The following NRG1 variants were observed in gnomAD, a reference collection of about 807,000 sequenced individuals.
NRG1 encodes the protein neuregulin 1.
NRG1 carries 18 observed loss-of-function variants against 63.8 expected under a neutral mutation model. The ratio of observed to expected loss-of-function variants is 0.28; its 90% CI spans 0.19 to 0.42. The LOEUF is 0.42. NRG1 is among the 10% of genes least tolerant of loss of function. NRG1 has a pLI of 1.00. For missense variants in NRG1, 762 were observed against 814.7 expected (o/e 0.94, Z 0.79); for synonymous variants, 302 against 301.3 (o/e 1.00, Z -0.02).
intron 1 of NRG1, among the ~76,000 whole-genome samples, chr8:32,462,771 C>G (rs1246199969): frequency 6.6e-6 from 1 of 151,520 alleles, no homozygotes; most frequent in Non-Finnish European, 1.5e-5. Flanking sequence ...GCCCGGCTAA[C>G]TTTTATATTT....
intron 1 of NRG1, among the ~76,000 whole-genome samples, chr8:31,878,120 C>T (rs1830066301): frequency 6.6e-6 from 1 of 152,182 alleles, no homozygotes; most frequent in Admixed American, 6.5e-5. Context: ...TACAAACCGT[C>T]AGTCTGCATG....
intron 5 of NRG1, among the ~76,000 whole-genome samples, chr8:32,634,120 G>GAAAAAAAAAAAAAAAAAAAAA (rs1563814503): frequency 1.0e-5 from 1 of 97,728 alleles, no homozygotes; most frequent in African/African-American, 5.5e-5. Flanking sequence ...AAAAAAAAAG[G>GAAAAAAAAAAAAAAAAAAAAA]TTGCATAAAG....
chr8:32,172,684 G>A (rs893558794), intron 1 of NRG1, among the ~76,000 whole-genome samples: 3 of 152,178 alleles, frequency 2.0e-5, no homozygotes, highest in Non-Finnish European at 4.4e-5. Context: ...CGAGAACTAC[G>A]TGATGAATGC....
chr8:31,730,458 T>C (rs1051069222), intron 1 of NRG1, among the ~76,000 whole-genome samples: 6 of 152,144 alleles, frequency 3.9e-5, no homozygotes, highest in African/African-American at 7.2e-5. Context: ...TATAGACATA[T>C]ATACACACAC....
At chr8:32,284,043 T>C (rs1349105115) in intron 1 of NRG1, among the ~76,000 whole-genome samples, 2 of 152,168 alleles carry the variant, frequency 1.3e-5, no homozygotes, top group Admixed American at 1.3e-4. Flanking sequence ...GGAGAGTCTC[T>C]TGGGCCACTT....
intron 5 of NRG1, among the ~76,000 whole-genome samples, chr8:32,718,615 T>A (rs568939877): frequency 2.0e-5 from 3 of 152,274 alleles, no homozygotes; most frequent in African/African-American, 7.2e-5. Context: ...ATTTTATAGC[T>A]TCATTAACTT....
chr8:32,446,243 C>T (rs1233490839), intron 1 of NRG1, among the ~76,000 whole-genome samples: 1 of 152,188 alleles, frequency 6.6e-6, no homozygotes, highest in East Asian at 1.9e-4. Flanking sequence ...GTTTTCCTAA[C>T]ATGGGTATGA....
intron 1 of NRG1, among the ~76,000 whole-genome samples, chr8:31,827,330 A>C (rs1824668022): frequency 6.6e-6 from 1 of 152,184 alleles, no homozygotes; most frequent in African/African-American, 2.4e-5. Flanking sequence ...TTTGTCTTAG[A>C]AGAGCAATGG....
At chr8:32,660,201 G>C (rs1412386235) in intron 5 of NRG1, among the ~76,000 whole-genome samples, 1 of 152,166 alleles carries the variant, frequency 6.6e-6, no homozygotes, top group Non-Finnish European at 1.5e-5. Context: ...GAACATTTTA[G>C]ATTTTGGATT....
chr8:31,650,181 T>C (rs1383369783), intron 1 of NRG1, among the ~76,000 whole-genome samples: 2 of 152,162 alleles, frequency 1.3e-5, no homozygotes, highest in East Asian at 1.9e-4. Flanking sequence ...TTTTGCCATG[T>C]TGCCCAGGCT....
rs369902406 is a variant in NRG1, at chr8:32,422,093, A to G, written c.38-173735A>G. ...AAACCCCAGACCTCATCACTATGCAATATATCCACATAACAGAACTGCACT... is the reference window on the plus strand; with the variant it reads ...AAACCCCAGACCTCATCACTATGCAGTATATCCACATAACAGAACTGCACT... On this transcript the variant is annotated intron_variant, in intron 1 of 10. Coordinates refer to the NRG1 transcript ENST00000519301. 1.5e-4 allele frequency among the ~76,000 whole-genome samples: 23 copies of G among 152,304 alleles called. No individual in the cohort carries two copies. The South Asian group carries it at 1.9e-3, about 12-fold the overall frequency.
chr8:31,800,381 G>A (rs556312385), intron 1 of NRG1, among the ~76,000 whole-genome samples: 1 of 152,184 alleles, frequency 6.6e-6, no homozygotes, highest in Admixed American at 6.5e-5. Flanking sequence ...CTAAATCTTG[G>A]GTATCTTTGG....
intron 1 of NRG1, among the ~76,000 whole-genome samples, chr8:32,470,663 T>C (rs1177809767): frequency 6.6e-6 from 1 of 152,210 alleles, no homozygotes; most frequent in Non-Finnish European, 1.5e-5. Context: ...GGGAGATCAC[T>C]AGTTGTGTTT....
chr8:31,897,197 C>T lies in NRG1; in HGVS notation c.37+257766C>T, dbSNP rs546583327. Among the ~76,000 whole-genome samples, 3 of 152,238 alleles carry T rather than the reference C, an allele frequency of 2.0e-5. No homozygotes were observed. In the East Asian group the frequency reaches 5.8e-4, roughly 29 times the overall value. On this transcript the variant is annotated intron_variant, in intron 1 of 10. Transcript: ENST00000519301. ...TCAACCAAGGGCATTCCAAAGTTAA[C>T]CTGAAAAACTAGTTCAGGCCATGAT...
intron 1 of NRG1, among the ~76,000 whole-genome samples, chr8:32,151,292 A>G (rs923429463): frequency 2.6e-5 from 4 of 152,178 alleles, no homozygotes; most frequent in African/African-American, 9.7e-5. Flanking sequence ...AAGGCCAATA[A>G]AAAGCAAAAG....
chr8:32,002,646 G>A (rs1268772073), intron 1 of NRG1, among the ~76,000 whole-genome samples: 1 of 151,944 alleles, frequency 6.6e-6, no homozygotes, highest in Non-Finnish European at 1.5e-5. Context: ...CTTTTAATTG[G>A]GGAACAGAAC....
chr8:31,683,528 G>T (rs1220231658), intron 1 of NRG1, among the ~76,000 whole-genome samples: 2 of 152,154 alleles, frequency 1.3e-5, no homozygotes, highest in African/African-American at 4.8e-5. Context: ...AAATAGATTA[G>T]TGGTTTAGTG....
At position 32,021,911 on chromosome 8, in the gene NRG1, C is replaced by T. The variant is rs143085437; in HGVS notation, c.37+382480C>T. Among the ~76,000 whole-genome samples, 609 of 151,392 alleles carry T rather than the reference C, an allele frequency of 4.0e-3. 8 individuals carry two copies. The highest frequency in any genetic ancestry group is 0.014 in the African/African-American group (581 of 41,246). Reference sequence around the variant, plus strand: ...TCTTCTCTTTTGCTTTTTTTCTTACCTGTAAATTAACTGAGTTGCCAGATA... The same window carrying T: ...TCTTCTCTTTTGCTTTTTTTCTTACTTGTAAATTAACTGAGTTGCCAGATA... On this transcript the variant is annotated intron_variant, in intron 1 of 10. Transcript: ENST00000519301.
rs373951144 is a variant in NRG1, at chr8:31,697,755, A to G, written c.37+58324A>G. On this transcript the variant is annotated intron_variant, in intron 1 of 10. Coordinates refer to the NRG1 transcript ENST00000519301. The stretch of plus-strand genomic sequence containing the variant: ...TTTCAGAAGGTGAGTATTCACTAAC[A>G]GTACCTAACTCTGTCCCTTCTGTAA... Among the ~76,000 whole-genome samples the G allele has an allele frequency of 2.1e-4, 32 of 152,346 alleles. No individual in the cohort carries two copies. The East Asian group carries it at 4.4e-3, about 21-fold the overall frequency.
Sources: gnomAD v4.1 joint callset for allele counts (sites outside exome capture counted in the v4.1 genomes callset) on GRCh38, gnomAD v4.1.1 for gene constraint, MANE v1.5 for transcripts, NCBI Gene and HGNC (gene_info 2026-07-23, HGNC 2026-07-21) for gene names.